The following MAGED1 variants were observed in gnomAD, a reference collection of about 807,000 sequenced individuals.
MAGED1 encodes the protein melanoma-associated antigen D1.
In MAGED1, 3 loss-of-function variants were observed where a neutral mutation model predicts 54.1. The ratio of observed to expected loss-of-function variants is 0.06; its 90% CI spans 0.03 to 0.14. The LOEUF is 0.14. Among genes scored for constraint, MAGED1 ranks in the 10% least tolerant of loss-of-function variants. The probability of loss-of-function intolerance (pLI) is 1.00; values close to 1 mark genes in which losing one functional copy is unlikely to be tolerated. For synonymous variants in MAGED1, 217 were observed against 227.3 expected, an observed-to-expected ratio of 0.95 and a Z score of 0.41; for missense variants, 485 against 623.4, an observed-to-expected ratio of 0.78 and a Z score of 2.36.
intron 1 of MAGED1, among the ~76,000 whole-genome samples, chrX:51,865,977 T>C (rs1411711196): frequency 8.9e-6 from 1 of 112,145 alleles, no homozygotes; most frequent in Non-Finnish European, 1.9e-5. Context: ...GCCATGATTG[T>C]GAGTTTCCTG....
At chrX:51,822,211 A>G (rs782719033) in intron 1 of MAGED1, among the ~76,000 whole-genome samples, 1 of 111,940 alleles carries the variant, frequency 8.9e-6, no homozygotes, top group East Asian at 2.8e-4. Flanking sequence ...TTGATTACTA[A>G]TTCAATGTCT....
chrX:51,839,996 A>G (rs1926394299), intron 1 of MAGED1, among the ~76,000 whole-genome samples: 1 of 112,195 alleles, frequency 8.9e-6, no homozygotes, highest in Non-Finnish European at 1.9e-5. Context: ...CAATAACGCT[A>G]ATACATTCGC....
chrX:51,865,658 C>T (rs1927437068), intron 1 of MAGED1, among the ~76,000 whole-genome samples: 1 of 111,488 alleles, frequency 9.0e-6, no homozygotes, highest in African/African-American at 3.3e-5. Context: ...AAATCTTGCA[C>T]TTAATTTTCT....
At chrX:51,823,028 T>C (rs1438283882) in intron 1 of MAGED1, among the ~76,000 whole-genome samples, 1 of 112,047 alleles carries the variant, frequency 8.9e-6, no homozygotes, top group Non-Finnish European at 1.9e-5. Context: ...TGAAGATACT[T>C]TTTATTATTT....
intron 1 of MAGED1, among the ~76,000 whole-genome samples, chrX:51,812,149 G>A (rs1440878473): frequency 1.8e-5 from 2 of 108,686 alleles, no homozygotes; most frequent in African/African-American, 6.7e-5. Flanking sequence ...AAGTGCACAT[G>A]TACCCTAAAA....
intron 1 of MAGED1, among the ~76,000 whole-genome samples, chrX:51,825,397 A>G (rs1383403374): frequency 8.9e-6 from 1 of 112,414 alleles, no homozygotes; most frequent in Non-Finnish European, 1.9e-5. Flanking sequence ...TTCTAGAATC[A>G]GGCAACACTA....
chrX:51,859,133 A>AT lies in MAGED1; in HGVS notation c.-36-35126dup, dbSNP rs199720979. ...AATCTCTTTGAGTCTCACCTTGCTC[A>AT]TTTTTTTTTTAGGTCAGGATATAAT... On this transcript the variant is annotated intron_variant, in intron 1 of 12. Coordinates refer to the MAGED1 transcript ENST00000375772. Among the ~76,000 whole-genome samples, 9 of 105,071 alleles carry AT rather than the reference A, an allele frequency of 8.6e-5. No homozygotes were observed. In the East Asian group the frequency reaches 1.8e-3, roughly 21 times the overall value. 91.2% of individuals were successfully genotyped at this position (105,071 alleles called of 115,157 possible).
chrX:51,823,197 C>T (rs1177404223), intron 1 of MAGED1, among the ~76,000 whole-genome samples: 1 of 111,421 alleles, frequency 9.0e-6, no homozygotes, highest in Non-Finnish European at 1.9e-5. Context: ...TTGTTGATCT[C>T]CTGTCTGATT....
intron 1 of MAGED1, among the ~76,000 whole-genome samples, chrX:51,803,447 T>C (rs1924920869): frequency 9.2e-6 from 1 of 108,780 alleles, no homozygotes; most frequent in South Asian, 4.2e-4. Flanking sequence ...AGGTCACTCC[T>C]ACCTCCTACC....
At chrX:51,841,294 C>A (rs1283201160) in intron 1 of MAGED1, among the ~76,000 whole-genome samples, 1 of 110,365 alleles carries the variant, frequency 9.1e-6, no homozygotes, top group Admixed American at 9.6e-5. Flanking sequence ...TTGTTTTTTT[C>A]TTGTAAATTT....
chrX:51,831,614 GAAATT>G (rs1557357479), intron 1 of MAGED1, among the ~76,000 whole-genome samples: 1 of 111,444 alleles, frequency 9.0e-6, no homozygotes, highest in Non-Finnish European at 1.9e-5. Context: ...TGCTGCCTCA[GAAATT>G]AAATTAAATT....
chrX:51,840,963 C>T (rs1416568485), intron 1 of MAGED1, among the ~76,000 whole-genome samples: 1 of 110,661 alleles, frequency 9.0e-6, no homozygotes, highest in East Asian at 2.8e-4. Flanking sequence ...AATGGGATGG[C>T]TGGGTCAAAT....
chrX:51,893,019 G>C (rs1381708590), upstream of MAGED1, among the ~76,000 whole-genome samples: 1 of 110,579 alleles, frequency 9.0e-6, no homozygotes, highest in Non-Finnish European at 1.9e-5. Context: ...CATCACCGGA[G>C]CTGCAGAAAG....
upstream of MAGED1, among the ~76,000 whole-genome samples, chrX:51,892,145 GTTTAA>G (rs1557363547): frequency 8.9e-6 from 1 of 112,657 alleles, no homozygotes; most frequent in African/African-American, 3.2e-5. Context: ...AACTGTACCA[GTTTAA>G]TTTGAGTCAC....
chrX:51,859,193 T>C (rs1927188381), intron 1 of MAGED1, among the ~76,000 whole-genome samples: 1 of 110,231 alleles, frequency 9.1e-6, no homozygotes, highest in Non-Finnish European at 1.9e-5. Context: ...AGATAAAGGG[T>C]ATAAAGTGTC....
intron 1 of MAGED1, among the ~76,000 whole-genome samples, chrX:51,822,106 G>A (rs1248804402): frequency 4.5e-5 from 5 of 111,681 alleles, no homozygotes; most frequent in Non-Finnish European, 9.4e-5. Context: ...GAATAAGTTA[G>A]GAAGTGTTCC....
At chrX:51,897,649 C>T in intron 6 of MAGED1, 23 bp downstream of exon 6, 1 of 1,167,475 alleles carries the variant, frequency 8.6e-7, no homozygotes, top group African/African-American at 1.8e-5. Context: ...CCCTGGGGTA[C>T]AGGAATAATG....
intron 2 of MAGED1, chrX:51,894,743 G>C (rs782064724): frequency 2.6e-6 from 3 of 1,146,329 alleles, no homozygotes; most frequent in Admixed American, 6.4e-5. Flanking sequence ...TCCGCGATCC[G>C]CCTGCCGTCC....
chrX:51,885,856 C>T (rs11795748), intron 1 of MAGED1, among the ~76,000 whole-genome samples: 27,428 of 108,904 alleles, frequency 0.25, 2,749 homozygotes, highest in Middle Eastern at 0.32. Context: ...TTCACAATGC[C>T]GAGATAGGGA....
Sources: allele counts gnomAD v4.1 joint callset (sites outside exome capture counted in the v4.1 genomes callset), GRCh38; gene constraint gnomAD v4.1.1; transcripts MANE v1.5; gene names NCBI Gene and HGNC (gene_info 2026-07-23, HGNC 2026-07-21).